Variants in SHROOM4 observed in about 807,000 individuals in gnomAD.
SHROOM4 encodes shroom family member 4, also known as protein Shroom4.
SHROOM4 carries 17 observed loss-of-function variants against 80.3 expected under a neutral mutation model. That is an observed-to-expected ratio of 0.21 (90% CI 0.14 to 0.32). The LOEUF (loss-of-function observed/expected upper bound fraction) is 0.32. Ranked by LOEUF, SHROOM4 falls within the 10% of genes least tolerant of loss-of-function variation. SHROOM4 has a pLI of 1.00. For missense variants in SHROOM4, 993 were observed against 1,140.3 expected, an observed-to-expected ratio of 0.87 and a Z score of 1.86; for synonymous variants, 400 against 437.5, an observed-to-expected ratio of 0.91 and a Z score of 1.07.
chrX:50,592,415 A>C lies in SHROOM4; in HGVS notation c.*4280T>G, dbSNP rs782620692. The C allele has an allele frequency of 8.5e-6, 2 of 236,646 alleles. No homozygotes were observed. Among genetic ancestry groups the C allele is most frequent in the African/African-American group, 5.8e-5 (2 of 34,614 alleles). The allele number at this position is 236,646 out of a possible 1,213,427, so 19.5% of individuals were successfully genotyped here. ...TAATACTGTTCCCATTTTACAGATAAGAAAATGACCTCAGAAGTTGAGCTA... is the reference window on the plus strand; with the variant it reads ...TAATACTGTTCCCATTTTACAGATACGAAAATGACCTCAGAAGTTGAGCTA... On this transcript the variant is annotated 3_prime_UTR_variant, in exon 9 of 9. Coordinates refer to ENST00000376020, the MANE Select transcript of SHROOM4 (RefSeq NM_020717.5).
At chrX:50,759,177 G>A (rs782226778) in intron 1 of SHROOM4, among the ~76,000 whole-genome samples, 58 of 111,926 alleles carry the variant, frequency 5.2e-4, no homozygotes, top group Non-Finnish European at 8.1e-4. Flanking sequence ...AGATAGTTAC[G>A]TTAAAATGAG....
intron 2 of SHROOM4, among the ~76,000 whole-genome samples, chrX:50,692,171 G>A (rs1933238498): frequency 8.9e-6 from 1 of 111,932 alleles, no homozygotes; most frequent in African/African-American, 3.2e-5. Flanking sequence ...CGAGATGAGT[G>A]GGTGAAACAC....
intron 2 of SHROOM4, among the ~76,000 whole-genome samples, chrX:50,658,827 G>T (rs1251318131): frequency 3.6e-5 from 4 of 111,357 alleles, no homozygotes; most frequent in African/African-American, 1.3e-4. Flanking sequence ...TGGAGAAGCA[G>T]TCCGCAGGAT....
At chrX:50,758,500 T>C (rs1018104790) in intron 1 of SHROOM4, among the ~76,000 whole-genome samples, 5 of 112,536 alleles carry the variant, frequency 4.4e-5, no homozygotes, top group Non-Finnish European at 9.4e-5. Flanking sequence ...ATTCTACTAA[T>C]GCAATGTTTA....
At chrX:50,702,122 A>C (rs1933533029) in intron 1 of SHROOM4, among the ~76,000 whole-genome samples, 1 of 112,267 alleles carries the variant, frequency 8.9e-6, no homozygotes, top group African/African-American at 3.2e-5. Flanking sequence ...AGCATCTGAA[A>C]AGGTGCTCAA....
At chrX:50,800,867 A>C (rs188620349) in intron 1 of SHROOM4, among the ~76,000 whole-genome samples, 2 of 110,580 alleles carry the variant, frequency 1.8e-5, no homozygotes, top group East Asian at 5.8e-4. Context: ...AGGCCACTAC[A>C]GTAGTGTAGT....
At chrX:50,681,512 T>C (rs1306769312) in intron 2 of SHROOM4, among the ~76,000 whole-genome samples, 1 of 111,890 alleles carries the variant, frequency 8.9e-6, no homozygotes, top group Non-Finnish European at 1.9e-5. Context: ...GATCTTTATA[T>C]GGCTGCCTCT....
chrX:50,693,985 C>T (rs782242449), intron 2 of SHROOM4, among the ~76,000 whole-genome samples: 1 of 111,528 alleles, frequency 9.0e-6, no homozygotes, highest in South Asian at 3.8e-4. Context: ...TCTTTCTGGG[C>T]CTGCCTTATT....
chrX:50,633,360 A>G lies in SHROOM4; in HGVS notation c.2713T>C (p.Ser905Pro), dbSNP rs1931153539. 7.4e-6 allele frequency: 9 copies of G among 1,210,194 alleles called. No individual in the cohort carries two copies. The highest frequency in any genetic ancestry group is 1.0e-5 in the Non-Finnish European group (9 of 895,291). The change falls in exon 4 of 9, where the codon TCT becomes CCT. Residue 905 changes from serine to proline, a missense_variant. Ser to Pro is a moderately conservative substitution (Grantham distance 74, BLOSUM62 -1). Transcript: ENST00000376020. ...AGCAAGGCAGGGCAGATTTCCCCAG[A>G]ACAATAAATGCAAGGATCATGGACT... ...ALVHDPCIYC[S>P]GEICPALLKR...
At position 50,595,433 on chromosome X, in the gene SHROOM4, A is replaced by G. The variant is rs1929065113; in HGVS notation, c.*1262T>C. The G allele has an allele frequency of 7.0e-6, 1 of 143,231 alleles. No homozygotes were observed. The allele number at this position is 143,231 out of a possible 1,213,427, so 11.8% of individuals were successfully genotyped here. Reference sequence around the variant, plus strand: ...GCAATGGTTAGAGGAGTTCCTTCTGAGCTCACCTCTACTGATCCCATAGCT... The same window carrying G: ...GCAATGGTTAGAGGAGTTCCTTCTGGGCTCACCTCTACTGATCCCATAGCT... On this transcript the variant is annotated 3_prime_UTR_variant, in exon 9 of 9. Transcript: ENST00000376020.
intron 1 of SHROOM4, among the ~76,000 whole-genome samples, chrX:50,757,459 G>A (rs1557268475): frequency 1.8e-5 from 2 of 111,417 alleles, no homozygotes; most frequent in African/African-American, 6.5e-5. Flanking sequence ...GACTGTTTTG[G>A]CTACTCTGGG....
chrX:50,609,383 A>G (rs1276600298), intron 5 of SHROOM4, among the ~76,000 whole-genome samples: 6 of 111,801 alleles, frequency 5.4e-5, no homozygotes, highest in Non-Finnish European at 9.4e-5. Flanking sequence ...AATATTAAAG[A>G]GTATTCTGCT....
intron 2 of SHROOM4, among the ~76,000 whole-genome samples, chrX:50,650,130 T>C (rs782148782): frequency 8.9e-6 from 1 of 112,330 alleles, no homozygotes; most frequent in East Asian, 2.8e-4. Context: ...AAAAATTGTA[T>C]ATAAACCTGA....
chrX:50,680,147 TCTC>T (rs1156493413), intron 2 of SHROOM4, among the ~76,000 whole-genome samples: 1 of 111,969 alleles, frequency 8.9e-6, no homozygotes, highest in Non-Finnish European at 1.9e-5. Context: ...ACTGGCCACT[TCTC>T]CTCAGATTAT....
At chrX:50,644,616 C>G (rs1557257652) in intron 2 of SHROOM4, among the ~76,000 whole-genome samples, 1 of 112,615 alleles carries the variant, frequency 8.9e-6, no homozygotes, top group East Asian at 2.8e-4. Context: ...CCTCTGGCCT[C>G]AATTCCAGTA....
Position 50,589,931 on chromosome X carries a change from C to T in SHROOM4, c.*6764G>A, listed in dbSNP as rs998756126. ...GTGTTCCAATTTCTTCATTTCCTCA[C>T]CAACACTTGTTATTGTTTGGCTTTT... On this transcript the variant is annotated 3_prime_UTR_variant, in exon 9 of 9. Coordinates refer to ENST00000376020, the MANE Select transcript of SHROOM4 (RefSeq NM_020717.5). Among the ~76,000 whole-genome samples the T allele has an allele frequency of 1.8e-5, 2 of 112,326 alleles. No individual in the cohort carries two copies. Among genetic ancestry groups the T allele is most frequent in the African/African-American group, 3.2e-5 (1 of 30,894 alleles).
intron 2 of SHROOM4, among the ~76,000 whole-genome samples, chrX:50,639,503 A>G (rs1931503431): frequency 8.9e-6 from 1 of 112,018 alleles, no homozygotes; most frequent in Non-Finnish European, 1.9e-5. Flanking sequence ...TAAGTAGATG[A>G]TACAGAAGTA....
At chrX:50,755,460 G>A (rs1372725753) in intron 1 of SHROOM4, among the ~76,000 whole-genome samples, 3 of 111,239 alleles carry the variant, frequency 2.7e-5, no homozygotes, top group African/African-American at 6.5e-5. Context: ...ATAGCTACTC[G>A]GTCCTTCTCT....
chrX:50,745,346 T>C (rs1934751269), intron 1 of SHROOM4, among the ~76,000 whole-genome samples: 1 of 111,410 alleles, frequency 9.0e-6, no homozygotes, highest in African/African-American at 3.3e-5. Context: ...ATGTTACTAT[T>C]TGGAGCTGGA....
Sources: gnomAD v4.1 joint callset for allele counts (sites outside exome capture counted in the v4.1 genomes callset) on GRCh38, gnomAD v4.1.1 for gene constraint, MANE v1.5 for transcripts, NCBI Gene and HGNC (gene_info 2026-07-23, HGNC 2026-07-21) for gene names.